Variants in EPHB1 observed in about 807,000 individuals in gnomAD.
EPHB1 encodes the protein ephrin type-B receptor 1.
EPHB1 carries 30 observed loss-of-function variants against 94.4 expected under a neutral mutation model. The observed-to-expected ratio is 0.32, with a 90% confidence interval of 0.24 to 0.43. The LOEUF (loss-of-function observed/expected upper bound fraction) is 0.43, where lower values mean the gene tolerates loss of function less well. Ranked by LOEUF, EPHB1 falls within the 20% of genes least tolerant of loss-of-function variation. EPHB1 has a pLI of 1.00. For synonymous variants in EPHB1, 522 were observed against 489.1 expected, an observed-to-expected ratio of 1.07 and a Z score of -0.89; for missense variants, 1,055 against 1,308.3, an observed-to-expected ratio of 0.81 and a Z score of 2.99.
intron 1 of EPHB1, among the ~76,000 whole-genome samples, chr3:134,873,316 G>A (rs1333088425): frequency 6.6e-6 from 1 of 152,124 alleles, no homozygotes. Context: ...TTAAGGATTT[G>A]TAATTTAGAC....
At chr3:135,206,036 C>T (rs532500077) in intron 12 of EPHB1, among the ~76,000 whole-genome samples, 46 of 152,228 alleles carry the variant, frequency 3.0e-4, no homozygotes, top group Non-Finnish European at 6.3e-4. Flanking sequence ...ATTGCATCCT[C>T]ACCCACATCC....
intron 5 of EPHB1, among the ~76,000 whole-genome samples, chr3:135,135,706 C>G (rs545471120): frequency 6.6e-6 from 1 of 152,274 alleles, no homozygotes; most frequent in East Asian, 1.9e-4. Context: ...CTGTGGCCAC[C>G]TGTCCTACTG....
intron 12 of EPHB1, among the ~76,000 whole-genome samples, chr3:135,236,856 G>T (rs1391289696): frequency 6.6e-6 from 1 of 152,194 alleles, no homozygotes; most frequent in Non-Finnish European, 1.5e-5. Flanking sequence ...TACCCTCTGG[G>T]CTTCTCAACA....
At chr3:135,013,123 A>T (rs944745677) in intron 3 of EPHB1, among the ~76,000 whole-genome samples, 6 of 152,156 alleles carry the variant, frequency 3.9e-5, no homozygotes, top group African/African-American at 1.4e-4. Flanking sequence ...GCCAAACGGG[A>T]TGGGGAGTCA....
chr3:134,849,294 A>T (rs964168976), intron 1 of EPHB1, among the ~76,000 whole-genome samples: 1 of 152,186 alleles, frequency 6.6e-6, no homozygotes, highest in Non-Finnish European at 1.5e-5. Context: ...TTCCCAGGTG[A>T]TGTTGATGAT....
intron 1 of EPHB1, among the ~76,000 whole-genome samples, chr3:134,882,806 C>CTTTCT (rs1553861943): frequency 1.7e-4 from 14 of 80,930 alleles, no homozygotes; most frequent in African/African-American, 5.8e-4. Context: ...TTCTTTCTTT[C>CTTTCT]TTTCTTTCTT....
chr3:134,955,954 A>G (rs1056514472), intron 3 of EPHB1, among the ~76,000 whole-genome samples: 4 of 152,068 alleles, frequency 2.6e-5, no homozygotes, highest in East Asian at 1.9e-4. Flanking sequence ...GGCTAAGTCT[A>G]TTCTCTGTGT....
At chr3:134,997,370 A>C (rs1399294051) in intron 3 of EPHB1, among the ~76,000 whole-genome samples, 1 of 152,208 alleles carries the variant, frequency 6.6e-6, no homozygotes, top group Non-Finnish European at 1.5e-5. Flanking sequence ...TGGTGAGCTC[A>C]TCTGTCTGTA....
chr3:135,130,435 A>G (rs1940377188), intron 4 of EPHB1, among the ~76,000 whole-genome samples: 2 of 152,228 alleles, frequency 1.3e-5, no homozygotes, highest in Admixed American at 6.5e-5. Flanking sequence ...CAGTTGGCTG[A>G]GCAGGGAGAG....
intron 3 of EPHB1, among the ~76,000 whole-genome samples, chr3:135,101,801 T>C (rs1939045618): frequency 6.6e-6 from 1 of 152,200 alleles, no homozygotes; most frequent in African/African-American, 2.4e-5. Context: ...CTACTTCTTT[T>C]ATAAAGTTTC....
At chr3:135,042,743 G>T (rs1228390555) in intron 3 of EPHB1, among the ~76,000 whole-genome samples, 1 of 152,202 alleles carries the variant, frequency 6.6e-6, no homozygotes, top group Admixed American at 6.5e-5. Flanking sequence ...TATCTGGTCT[G>T]TCCAAACAGC....
At chr3:135,046,690 C>T (rs962996225) in intron 3 of EPHB1, among the ~76,000 whole-genome samples, 6 of 152,142 alleles carry the variant, frequency 3.9e-5, no homozygotes, top group African/African-American at 4.8e-5. Context: ...GGGGTGGGGC[C>T]GAGCAATCTG....
intron 8 of EPHB1, among the ~76,000 whole-genome samples, chr3:135,166,587 C>T (rs997865095): frequency 8.5e-5 from 13 of 152,230 alleles, no homozygotes; most frequent in African/African-American, 2.4e-4. Context: ...GATTCTGTCA[C>T]GCAAAGCCCT....
intron 1 of EPHB1, among the ~76,000 whole-genome samples, chr3:134,826,085 C>CAAAAA (rs34879749): frequency 1.8e-5 from 2 of 110,444 alleles, no homozygotes; most frequent in South Asian, 6.0e-4. Context: ...ACTAAAAATA[C>CAAAAA]AAAAAAAAAA....
intron 3 of EPHB1, among the ~76,000 whole-genome samples, chr3:134,985,454 G>A (rs534000358): frequency 5.9e-5 from 9 of 152,298 alleles, no homozygotes; most frequent in African/African-American, 1.4e-4. Flanking sequence ...CACCATGCCC[G>A]GCCGGTGGGC....
chr3:135,064,790 AC>A (rs1478058214), intron 3 of EPHB1, among the ~76,000 whole-genome samples: 1 of 151,918 alleles, frequency 6.6e-6, no homozygotes, highest in African/African-American at 2.4e-5. Context: ...TTGAGGCGTA[AC>A]CTTAGAATGT....
intron 15 of EPHB1, among the ~76,000 whole-genome samples, chr3:135,256,547 C>A (rs1439498354): frequency 7.2e-5 from 11 of 152,206 alleles, no homozygotes; most frequent in South Asian, 2.1e-4. Flanking sequence ...AATATTGGCC[C>A]CCACTCTCTT....
intron 1 of EPHB1, among the ~76,000 whole-genome samples, chr3:134,908,953 T>C (rs1035245473): frequency 2.0e-5 from 3 of 147,366 alleles, no homozygotes; most frequent in African/African-American, 8.0e-5. Context: ...ATGGGGCTCC[T>C]CAGACAGTTG....
At chr3:135,109,854 A>G (rs1377475526) in intron 4 of EPHB1, among the ~76,000 whole-genome samples, 2 of 152,208 alleles carry the variant, frequency 1.3e-5, no homozygotes, top group Non-Finnish European at 2.9e-5. Context: ...TTCAATTCCC[A>G]GGCAGCAGCG....
Sources: gnomAD v4.1 joint callset for allele counts (sites outside exome capture counted in the v4.1 genomes callset) on GRCh38, gnomAD v4.1.1 for gene constraint, MANE v1.5 for transcripts, NCBI Gene and HGNC (gene_info 2026-07-23, HGNC 2026-07-21) for gene names.